DOK6: variants seen among roughly 807,000 people sequenced by gnomAD.
DOK6 encodes the protein docking protein 6.
Under a neutral mutation model 44.0 loss-of-function variants are expected in DOK6, and 22 were observed. That is an observed-to-expected ratio of 0.50 (90% CI 0.36 to 0.71). The LOEUF is 0.71. Ranked by LOEUF, DOK6 falls within the 30% of genes least tolerant of loss-of-function variation. The probability of loss-of-function intolerance (pLI) is 0.00; values close to 1 mark genes in which losing one functional copy is unlikely to be tolerated. For synonymous variants in DOK6, 166 were observed against 145.5 expected (o/e 1.14, Z -1.01); for missense variants, 340 against 416.4 (o/e 0.82, Z 1.60).
chr18:69,544,659 C>T (rs17081218), intron 1 of DOK6, among the ~76,000 whole-genome samples: 7,295 of 151,408 alleles, frequency 0.048, 590 homozygotes, highest in African/African-American at 0.16. Flanking sequence ...TGGGTCTTGG[C>T]ATGATCAAAC....
intron 5 of DOK6, among the ~76,000 whole-genome samples, chr18:69,717,555 C>T (rs1986911758): frequency 6.6e-6 from 1 of 152,140 alleles, no homozygotes; most frequent in Admixed American, 6.5e-5. Flanking sequence ...AGGGAGCATG[C>T]CATGGCTCCA....
intron 1 of DOK6, among the ~76,000 whole-genome samples, chr18:69,552,898 C>T (rs138509651): frequency 0.01 from 1,598 of 152,328 alleles, 26 homozygotes; most frequent in African/African-American, 0.036. Context: ...TGCACATGCG[C>T]GTGTGCGCAC....
intron 5 of DOK6, among the ~76,000 whole-genome samples, chr18:69,714,986 A>T (rs975645358): frequency 1.3e-5 from 2 of 152,210 alleles, no homozygotes; most frequent in African/African-American, 4.8e-5. Context: ...TTTGTAATAA[A>T]TACAATATGA....
intron 7 of DOK6, among the ~76,000 whole-genome samples, chr18:69,833,714 C>CA (rs781107608): frequency 9.1e-4 from 138 of 151,388 alleles, no homozygotes; most frequent in African/African-American, 2.9e-3. Context: ...AACTCAGTAG[C>CA]AAAAAAAAGC....
chr18:69,816,784 C>T (rs552736437), intron 7 of DOK6, among the ~76,000 whole-genome samples: 21 of 152,254 alleles, frequency 1.4e-4, no homozygotes, highest in African/African-American at 4.3e-4. Context: ...CCGCTGGTGG[C>T]GGAACTGTTC....
At chr18:69,748,719 T>C (rs1202095529) in intron 6 of DOK6, among the ~76,000 whole-genome samples, 2 of 152,184 alleles carry the variant, frequency 1.3e-5, no homozygotes, top group Non-Finnish European at 2.9e-5. Flanking sequence ...GGATGTAAAT[T>C]AGTTCAACCA....
intron 7 of DOK6, among the ~76,000 whole-genome samples, chr18:69,827,757 G>A (rs1981782972): frequency 6.6e-6 from 1 of 151,890 alleles, no homozygotes. Flanking sequence ...TGACTCCTCT[G>A]TAAATGTACG....
At chr18:69,726,325 A>C (rs1363106135) in intron 5 of DOK6, among the ~76,000 whole-genome samples, 1 of 151,960 alleles carries the variant, frequency 6.6e-6, no homozygotes, top group African/African-American at 2.4e-5. Flanking sequence ...CCATTTGACT[A>C]CTGACTTTTC....
intron 1 of DOK6, among the ~76,000 whole-genome samples, chr18:69,505,952 T>C (rs1035980373): frequency 3.3e-5 from 5 of 152,118 alleles, no homozygotes; most frequent in African/African-American, 9.6e-5. Flanking sequence ...CCATATGCTT[T>C]TTTTTTCTCA....
Position 69,845,129 on chromosome 18 carries a change from T to C in DOK6, c.*3746T>C, listed in dbSNP as rs2145144997. The C allele has an allele frequency of 6.6e-6, 1 of 152,336 alleles. No homozygotes were observed. The highest frequency in any genetic ancestry group is 6.5e-5 in the Admixed American group (1 of 15,296). The allele number at this position is 152,336 out of a possible 1,614,324, so 9.4% of individuals were successfully genotyped here. The stretch of plus-strand genomic sequence containing the variant: ...CATGGGGACCCTACTCCCTAGATTA[T>C]TTGAGCCATTTACTAAAATTGGCCA... On this transcript the variant is annotated 3_prime_UTR_variant, in exon 8 of 8. Transcript: ENST00000382713.
At chr18:69,424,228 A>G (rs577784518) in intron 1 of DOK6, among the ~76,000 whole-genome samples, 1 of 152,314 alleles carries the variant, frequency 6.6e-6, no homozygotes, top group East Asian at 1.9e-4. Flanking sequence ...ATCTACTGCA[A>G]GTTTGCCAGA....
At position 69,476,456 on chromosome 18, in the gene DOK6, C is replaced by T. The variant is rs79546789; in HGVS notation, c.66+75146C>T. Among the ~76,000 whole-genome samples, 488 of 151,674 alleles carry T rather than the reference C, an allele frequency of 3.2e-3. 2 individuals carry two copies. The highest frequency in any genetic ancestry group is 0.011 in the African/African-American group (460 of 41,482). ...AAATCAGAGGGATTCTTGGAAGGCACGGGTAATCGTCACTTGATCAGTCAG... is the reference window on the plus strand; with the variant it reads ...AAATCAGAGGGATTCTTGGAAGGCATGGGTAATCGTCACTTGATCAGTCAG... On this transcript the variant is annotated intron_variant, in intron 1 of 7. Transcript: ENST00000382713.
chr18:69,701,837 G>A (rs1986526909), intron 5 of DOK6, among the ~76,000 whole-genome samples: 1 of 152,098 alleles, frequency 6.6e-6, no homozygotes, highest in Admixed American at 6.5e-5. Flanking sequence ...AATGTTATAT[G>A]TCATACAATT....
In DOK6 at chr18:69,401,144, G is replaced by T; in HGVS notation, c.-101G>T. 2 of 1,232,990 alleles carry T rather than the reference G, an allele frequency of 1.6e-6. No individual in the cohort carries two copies. Among genetic ancestry groups the T allele is most frequent in the South Asian group, 2.1e-5 (1 of 46,538 alleles). 76.4% of individuals were successfully genotyped at this position (1,232,990 alleles called of 1,614,324 possible). Reference sequence around the variant, plus strand: ...GCGGGCGGCGGCGCTGCTGCTGGCGGCGGCCGGCTGGATGCGAGACCCGCG... The same window carrying T: ...GCGGGCGGCGGCGCTGCTGCTGGCGTCGGCCGGCTGGATGCGAGACCCGCG... On this transcript the variant is annotated 5_prime_UTR_variant, in exon 1 of 8. Coordinates refer to ENST00000382713, the MANE Select transcript of DOK6 (RefSeq NM_152721.6).
chr18:69,421,883 ACCTGGAGAACTGGGC>A (rs1978502993), intron 1 of DOK6, among the ~76,000 whole-genome samples: 1 of 37,642 alleles, frequency 2.7e-5, no homozygotes, highest in Non-Finnish European at 6.7e-5. Context: ...CAGCTTCCTC[ACCTGGAGAACTGGGC>A]TTCCTCACCT....
At chr18:69,812,355 C>A (rs987065937) in intron 7 of DOK6, among the ~76,000 whole-genome samples, 4 of 152,116 alleles carry the variant, frequency 2.6e-5, no homozygotes, top group Admixed American at 1.3e-4. Context: ...ATCCAACACC[C>A]TTTTCTGTGA....
intron 1 of DOK6, among the ~76,000 whole-genome samples, chr18:69,530,730 T>C (rs1711739469): frequency 6.6e-6 from 1 of 152,182 alleles, no homozygotes; most frequent in Non-Finnish European, 1.5e-5. Context: ...CTGAGAAGAA[T>C]GTATATTCTG....
At position 69,846,501 on chromosome 18, in the gene DOK6, C is replaced by A. The variant is rs956910227; in HGVS notation, c.*5118C>A. ...GCCTCTACTCTTGCTGAACTCATCA[C>A]CAGCTGTATCAGTAGAGAGGTGTTA... On this transcript the variant is annotated 3_prime_UTR_variant, in exon 8 of 8. Transcript: ENST00000382713. 6.6e-6 allele frequency: 1 copy of A among 152,266 alleles called. No homozygotes were observed. The highest frequency in any genetic ancestry group is 2.4e-5 in the African/African-American group (1 of 41,546). 9.4% of individuals were successfully genotyped at this position (152,266 alleles called of 1,614,324 possible). A position where few individuals can be genotyped will look rare whatever the true frequency, so the allele number is the denominator to read the frequency against.
rs201108243 is a variant in DOK6 at position 69,726,655 on chromosome 18, GTA to G, written c.600-12306_600-12305del. Among the ~76,000 whole-genome samples, 7 of 143,070 alleles carry G rather than the reference GTA, an allele frequency of 4.9e-5. No individual in the cohort carries two copies. In the South Asian group the frequency reaches 6.7e-4, roughly 14 times the overall value. The allele number at this position is 143,070 out of a possible 152,430, so 93.9% of individuals were successfully genotyped here. A position where few individuals can be genotyped will look rare whatever the true frequency, so the allele number is the denominator to read the frequency against. ...CACACACACATATATGTACATGTATGTATATGTGTGTGTGTGTATATATACAT... is the reference window on the plus strand; with the variant it reads ...CACACACACATATATGTACATGTATGTATGTGTGTGTGTGTATATATACAT... On this transcript the variant is annotated intron_variant, in intron 5 of 7. Transcript: ENST00000382713.
Sources: gnomAD v4.1 joint callset for allele counts (sites outside exome capture counted in the v4.1 genomes callset) on GRCh38, gnomAD v4.1.1 for gene constraint, MANE v1.5 for transcripts, NCBI Gene and HGNC (gene_info 2026-07-23, HGNC 2026-07-21) for gene names.